FBXO40: variants seen among roughly 807,000 people sequenced by gnomAD.
FBXO40 encodes F-box only protein 40.
In FBXO40, 50 loss-of-function variants were observed where a neutral mutation model predicts 49.9. That is an observed-to-expected ratio of 1.00 (90% CI 0.80 to 1.27). The LOEUF (loss-of-function observed/expected upper bound fraction) is 1.27. FBXO40 is among the 50% of genes most tolerant of loss of function. FBXO40 has a pLI of 0.00. For missense variants in FBXO40, 895 were observed against 870.1 expected, an observed-to-expected ratio of 1.03 and a Z score of -0.36; for synonymous variants, 340 against 320.2, an observed-to-expected ratio of 1.06 and a Z score of -0.66.
chr3:121,610,603 C>T (rs979956784), intron 1 of FBXO40, among the ~76,000 whole-genome samples: 4 of 152,088 alleles, frequency 2.6e-5, no homozygotes, highest in Non-Finnish European at 4.4e-5. Context: ...GGCAAATAAT[C>T]ATATGGTTTC....
At chr3:121,612,174 T>C (rs9839853) in intron 1 of FBXO40, among the ~76,000 whole-genome samples, 149,652 of 152,284 alleles carry the variant, frequency 0.98, 73,543 homozygotes, top group East Asian at 1. Context: ...CTGAATTTTT[T>C]CTGGCATAAG....
In FBXO40 at chr3:121,599,120, A is replaced by G. The variant is rs905244885; in HGVS notation, c.-31+5618A>G. Among the ~76,000 whole-genome samples the G allele has an allele frequency of 2.0e-5, 3 of 152,224 alleles. No homozygotes were observed. The East Asian group carries it at 5.8e-4, about 29-fold the overall frequency. On this transcript the variant is annotated intron_variant, in intron 1 of 3. Coordinates refer to ENST00000338040, the MANE Select transcript of FBXO40 (RefSeq NM_016298.4). ...TTGACCATATATTTAACTGTAGTTC[A>G]TTTTTAAGAGGATAGAACATACTGC...
chr3:121,627,871 GC>G lies in FBXO40; in HGVS notation c.*964del, dbSNP rs2049071145. The G allele has an allele frequency of 2.5e-6, 1 of 398,664 alleles. No homozygotes were observed. Among genetic ancestry groups the G allele is most frequent in the Non-Finnish European group, 4.4e-6 (1 of 226,228 alleles). 24.7% of individuals were successfully genotyped at this position (398,664 alleles called of 1,614,324 possible). A position where few individuals can be genotyped will look rare whatever the true frequency, so the allele number is the denominator to read the frequency against. On this transcript the variant is annotated 3_prime_UTR_variant, in exon 4 of 4. Coordinates refer to ENST00000338040, the MANE Select transcript of FBXO40 (RefSeq NM_016298.4). ...ACACCTTTGGCAAAGTCCAGACAAG[GC>G]CCACTGCAGTTCCTATGGCGCCAGT...
intron 1 of FBXO40, among the ~76,000 whole-genome samples, chr3:121,618,226 G>T (rs1277891369): frequency 1.3e-5 from 2 of 151,856 alleles, no homozygotes; most frequent in African/African-American, 2.4e-5. Flanking sequence ...GGAGACAACT[G>T]GAGAAATGTG....
rs1227825419 is a variant in FBXO40, at chr3:121,621,470, A to G, written c.41A>G (p.His14Arg). 1.2e-6 allele frequency: 2 copies of G among 1,614,048 alleles called. No individual in the cohort carries two copies. Among genetic ancestry groups the G allele is most frequent in the Non-Finnish European group, 1.7e-6 (2 of 1,180,018 alleles). The change falls in exon 3 of 4, where the codon CAT (histidine) becomes CGT (arginine). Residue 14 changes from histidine (H) to arginine (R), a missense_variant. Coordinates refer to ENST00000338040, the MANE Select transcript of FBXO40 (RefSeq NM_016298.4). ...ARRSPPGHHR[H>R]CEGCFNRHCH... The stretch of plus-strand genomic sequence containing the variant: ...AGATCCCCGCCAGGGCACCACAGGC[A>G]TTGTGAGGGATGCTTCAACCGCCAC...
chr3:121,627,490 T>C lies in FBXO40; in HGVS notation c.*580T>C, dbSNP rs982523926. 9.1e-5 allele frequency: 17 copies of C among 185,984 alleles called. No individual in the cohort carries two copies. Among genetic ancestry groups the C allele is most frequent in the African/African-American group, 3.5e-4 (15 of 42,844 alleles). 11.5% of individuals were successfully genotyped at this position (185,984 alleles called of 1,614,324 possible). A position where few individuals can be genotyped will look rare whatever the true frequency, so the allele number is the denominator to read the frequency against. ...ACACAGCCTGACATAGGAGAGCCCC[T>C]GGCTGAGCATGGCAGCCTTGAAGAC... On this transcript the variant is annotated 3_prime_UTR_variant, in exon 4 of 4. Coordinates refer to ENST00000338040, the MANE Select transcript of FBXO40 (RefSeq NM_016298.4).
At chr3:121,612,792 G>A (rs908249450) in intron 1 of FBXO40, among the ~76,000 whole-genome samples, 4 of 152,022 alleles carry the variant, frequency 2.6e-5, no homozygotes, top group African/African-American at 9.7e-5. Context: ...TTTCTCAGCC[G>A]GGCGCGGTGG....
chr3:121,621,284 G>C, intron 2 of FBXO40, 149 bp from the exon 3 acceptor site: 1 of 630,926 alleles, frequency 1.6e-6, no homozygotes, highest in Non-Finnish European at 2.7e-6. Flanking sequence ...TTTCTGGATT[G>C]TGGGATTGTG....
At chr3:121,603,054 G>A (rs1576450377) in intron 1 of FBXO40, among the ~76,000 whole-genome samples, 1 of 152,338 alleles carries the variant, frequency 6.6e-6, no homozygotes, top group East Asian at 1.9e-4. Flanking sequence ...GCCTTCTTGG[G>A]TCACAGACTG....
At chr3:121,621,244 GA>G (rs2049027820) in intron 2 of FBXO40, among the ~76,000 whole-genome samples, 188 bp from the exon 3 acceptor site, 1 of 152,000 alleles carries the variant, frequency 6.6e-6, no homozygotes, top group South Asian at 2.1e-4. Flanking sequence ...TAAACTATTG[GA>G]AAATTCTAAA....
At chr3:121,594,389 T>TG (rs1337127406) in intron 1 of FBXO40, among the ~76,000 whole-genome samples, 2 of 147,846 alleles carry the variant, frequency 1.4e-5, no homozygotes, top group African/African-American at 5.0e-5. Context: ...TTAGTAGAGA[T>TG]GGGGTTTCAC....
At chr3:121,614,452 A>T (rs541800077) in intron 1 of FBXO40, among the ~76,000 whole-genome samples, 1 of 151,838 alleles carries the variant, frequency 6.6e-6, no homozygotes, top group Admixed American at 6.6e-5. Flanking sequence ...AAAAAAAAAA[A>T]GAAAAAGAAA....
In FBXO40 at chr3:121,628,658, A is replaced by G. The variant is rs1177699783; in HGVS notation, c.*1748A>G. 6.6e-6 allele frequency: 1 copy of G among 152,256 alleles called. No homozygotes were observed. Among genetic ancestry groups the G allele is most frequent in the African/African-American group, 2.4e-5 (1 of 41,474 alleles). The allele number at this position is 152,256 out of a possible 1,614,324, so 9.4% of individuals were successfully genotyped here. A position where few individuals can be genotyped will look rare whatever the true frequency, so the allele number is the denominator to read the frequency against. The stretch of plus-strand genomic sequence containing the variant: ...CCTAAAGGATGTCATACTAGTGACA[A>G]TAAGTTAGGATATGCTTATTTTTTA... On this transcript the variant is annotated 3_prime_UTR_variant, in exon 4 of 4. Transcript: ENST00000338040.
intron 3 of FBXO40, 73 bp from the exon 4 acceptor site, chr3:121,626,622 A>C: frequency 7.6e-7 from 1 of 1,320,416 alleles, no homozygotes; most frequent in Non-Finnish European, 1.1e-6. Context: ...ATATTTCCTT[A>C]TAGTGCCCAA....
At chr3:121,607,551 C>T (rs538582870) in intron 1 of FBXO40, among the ~76,000 whole-genome samples, 11 of 152,018 alleles carry the variant, frequency 7.2e-5, no homozygotes, top group East Asian at 2.0e-4. Context: ...CCTCGTGATC[C>T]GCCCACCTCG....
chr3:121,617,100 G>A (rs1012450344), intron 1 of FBXO40, among the ~76,000 whole-genome samples: 1 of 152,130 alleles, frequency 6.6e-6, no homozygotes, highest in Non-Finnish European at 1.5e-5. Flanking sequence ...TGATAGCAGA[G>A]TAGGGTGACT....
chr3:121,621,468 G>T lies in FBXO40; in HGVS notation c.39G>T (p.Arg13Ser), dbSNP rs1324909216. The T allele has an allele frequency of 6.2e-7, 1 of 1,614,010 alleles. No individual in the cohort carries two copies. Among genetic ancestry groups the T allele is most frequent in the Non-Finnish European group, 8.5e-7 (1 of 1,180,004 alleles). Residue 13 changes from arginine (R) to serine (S), a missense_variant, in exon 3 of 4, where the codon AGG (arginine) becomes AGT (serine). Coordinates refer to ENST00000338040, the MANE Select transcript of FBXO40 (RefSeq NM_016298.4). The stretch of plus-strand genomic sequence containing the variant: ...GCAGATCCCCGCCAGGGCACCACAG[G>T]CATTGTGAGGGATGCTTCAACCGCC... ...KARRSPPGHHRHCEGCFNRHC... is the reference protein window; with the variant it reads ...KARRSPPGHHSHCEGCFNRHC...
At chr3:121,623,815 A>G (rs557285533) in intron 3 of FBXO40, among the ~76,000 whole-genome samples, 3 of 151,058 alleles carry the variant, frequency 2.0e-5, no homozygotes, top group East Asian at 1.9e-4. Context: ...CAGCCTCCCA[A>G]GTAGCTGGGA....
intron 1 of FBXO40, among the ~76,000 whole-genome samples, chr3:121,614,590 T>A (rs1445401553): frequency 6.6e-6 from 1 of 152,292 alleles, no homozygotes; most frequent in East Asian, 1.9e-4. Flanking sequence ...GGTGGATTAC[T>A]CCCAAGGAGT....
Sources: gnomAD v4.1 joint callset for allele counts (sites outside exome capture counted in the v4.1 genomes callset) on GRCh38, gnomAD v4.1.1 for gene constraint, MANE v1.5 for transcripts, NCBI Gene and HGNC (gene_info 2026-07-23, HGNC 2026-07-21) for gene names.